CCDC138: variants seen among roughly 807,000 people sequenced by gnomAD.
CCDC138 encodes the protein coiled-coil domain-containing protein 138.
A neutral mutation model predicts 82.3 loss-of-function variants in CCDC138; 66 were observed. The ratio of observed to expected loss-of-function variants is 0.80; its 90% CI spans 0.66 to 0.98. The LOEUF (loss-of-function observed/expected upper bound fraction) is 0.98. Ranked by LOEUF, CCDC138 falls within the 50% of genes least tolerant of loss-of-function variation. The probability of loss-of-function intolerance (pLI) is 0.00; values close to 1 mark genes in which losing one functional copy is unlikely to be tolerated. For missense variants in CCDC138, 816 were observed against 758.9 expected (o/e 1.08, Z -0.88); for synonymous variants, 297 against 265.4 (o/e 1.12, Z -1.16).
chr2:108,811,602 A>T (rs1295562424), intron 7 of CCDC138, among the ~76,000 whole-genome samples: 2 of 151,968 alleles, frequency 1.3e-5, no homozygotes, highest in South Asian at 2.1e-4. Context: ...TCAAAAAGCC[A>T]CTTTTCATTT....
At chr2:108,876,790 T>A (rs928674574), downstream of CCDC138, among the ~76,000 whole-genome samples, 1 of 152,220 alleles carries the variant, frequency 6.6e-6, no homozygotes, top group African/African-American at 2.4e-5. Context: ...TAAAAACTTT[T>A]GTTTTCAAAA....
Position 108,812,907 on chromosome 2 carries a change from C to G in CCDC138, c.1021C>G (p.Pro341Ala). The change falls in exon 9 of 15, where the codon CCA (proline) becomes GCA (alanine). Residue 341 changes from proline (P) to alanine (A), a missense_variant. Coordinates refer to ENST00000295124, the MANE Select transcript of CCDC138 (RefSeq NM_144978.3). Reference sequence around the variant, plus strand: ...GAAAAGTTTAAAACAAGAAAAAGCACCAGTTTCAAAAACTTACAAGGTAAG... The same window carrying G: ...GAAAAGTTTAAAACAAGAAAAAGCAGCAGTTTCAAAAACTTACAAGGTAAG... ...EMKSLKQEKA[P>A]VSKTYKVPLN... is the part of the protein sequence containing the mutation. 1.2e-6 allele frequency: 2 copies of G among 1,613,224 alleles called. No individual in the cohort carries two copies. Among genetic ancestry groups the G allele is most frequent in the African/African-American group, 2.7e-5 (2 of 74,922 alleles).
chr2:108,852,385 C>T (rs1691660316), intron 12 of CCDC138, among the ~76,000 whole-genome samples: 1 of 152,192 alleles, frequency 6.6e-6, no homozygotes, highest in South Asian at 2.1e-4. Context: ...TTCAACCCAA[C>T]AATCCCATTA....
chr2:108,885,035 A>G (rs1696390200), intron 2 of CCDC138: 1 of 152,250 alleles, frequency 6.6e-6, no homozygotes, highest in Non-Finnish European at 1.5e-5. Flanking sequence ...TTTGCAGAGA[A>G]TTAATACTGA....
chr2:108,878,930 AGAAAT>A (rs1385874490), downstream of CCDC138, among the ~76,000 whole-genome samples: 4 of 152,200 alleles, frequency 2.6e-5, no homozygotes, highest in Non-Finnish European at 5.9e-5. Flanking sequence ...ACACTGAAAA[AGAAAT>A]GAAATATATA....
At chr2:108,845,560 C>T (rs974342008) in intron 11 of CCDC138, among the ~76,000 whole-genome samples, 12 of 138,842 alleles carry the variant, frequency 8.6e-5, no homozygotes, top group African/African-American at 3.2e-4. Flanking sequence ...GAAATGCTTT[C>T]CTTTCATTTG....
At chr2:108,786,990 G>T in intron 1 of CCDC138, 75 bp downstream of exon 1, 1 of 1,021,744 alleles carries the variant, frequency 9.8e-7, no homozygotes. Context: ...CCGCGCAGCC[G>T]GCCTGGGGGC....
chr2:108,839,193 T>C lies in CCDC138; in HGVS notation c.1215T>C (p.Pro405=). The C allele has an allele frequency of 2.5e-6, 4 of 1,607,006 alleles. No homozygotes were observed. Among genetic ancestry groups the C allele is most frequent in the Non-Finnish European group, 3.4e-6 (4 of 1,176,674 alleles). The change falls in exon 11 of 15, where the codon CCT becomes CCC. Residue 405 remains proline, a synonymous_variant. Transcript: ENST00000295124. ...DIQEKCVKLL[P]LMTEQLQWMP... ...CATCATTTTATCTTTAGCTTTTGCCTCTAATGACAGAGCAGCTACAGTGGA... is the reference window on the plus strand; with the variant it reads ...CATCATTTTATCTTTAGCTTTTGCCCCTAATGACAGAGCAGCTACAGTGGA...
chr2:108,851,660 AG>A (rs1259221217), intron 12 of CCDC138, among the ~76,000 whole-genome samples: 3 of 152,132 alleles, frequency 2.0e-5, no homozygotes, highest in Non-Finnish European at 4.4e-5. Flanking sequence ...ACCAGGATAT[AG>A]GGCTGGACTC....
At chr2:108,846,577 T>C (rs1690517256) in intron 11 of CCDC138, 161 bp from the exon 12 acceptor site, 1 of 165,518 alleles carries the variant, frequency 6.0e-6, no homozygotes, top group African/African-American at 2.4e-5. Flanking sequence ...CTTGGGAGGC[T>C]GAGGTAGGAG....
intron 10 of CCDC138, among the ~76,000 whole-genome samples, chr2:108,819,504 G>A (rs7560964): frequency 2.0e-4 from 30 of 152,018 alleles, no homozygotes; most frequent in African/African-American, 6.5e-4. Context: ...TAAGAGCTGC[G>A]GAGATCTGCA....
intron 4 of CCDC138, 123 bp from the exon 5 acceptor site, chr2:108,794,415 GTC>G (rs1680498811): frequency 1.1e-6 from 1 of 872,812 alleles, no homozygotes; most frequent in African/African-American, 1.7e-5. Context: ...ATTTTTCTTT[GTC>G]TCTCTTGAAA....
Position 108,836,936 on chromosome 2 carries a change from A to G in CCDC138, c.1207-2249A>G, listed in dbSNP as rs534396368. On this transcript the variant is annotated intron_variant, in intron 10 of 14. Coordinates refer to ENST00000295124, the MANE Select transcript of CCDC138 (RefSeq NM_144978.3). ...TGTATTCAGCAACTTTGCTGAATTTATGTATTCTTTTTTTTTTTAATTGTG... is the reference window on the plus strand; with the variant it reads ...TGTATTCAGCAACTTTGCTGAATTTGTGTATTCTTTTTTTTTTTAATTGTG... Among the ~76,000 whole-genome samples, 195 of 151,776 alleles carry G rather than the reference A, an allele frequency of 1.3e-3. 6 individuals are homozygous for G. The South Asian group carries it at 0.039, about 31-fold the overall frequency.
chr2:108,860,784 C>T (rs1414472283), intron 13 of CCDC138, among the ~76,000 whole-genome samples: 1 of 151,714 alleles, frequency 6.6e-6, no homozygotes, highest in African/African-American at 2.4e-5. Flanking sequence ...GTGTCTTTGC[C>T]AGATTTTGGC....
intron 5 of CCDC138, 76 bp from the exon 6 acceptor site, chr2:108,798,352 A>C (rs1681256401): frequency 3.3e-6 from 5 of 1,510,638 alleles, no homozygotes; most frequent in Non-Finnish European, 4.5e-6. Flanking sequence ...GTTAAACCAC[A>C]GTGTCAGCCA....
intron 3 of CCDC138, 91 bp from the exon 4 acceptor site, chr2:108,791,584 G>C (rs1301107456): frequency 1.4e-6 from 2 of 1,423,086 alleles, no homozygotes; most frequent in Admixed American, 3.4e-5. Context: ...TTTTTTCTCA[G>C]TTATGCTGTT....
intron 9 of CCDC138, among the ~76,000 whole-genome samples, chr2:108,815,529 C>T (rs1345770841): frequency 1.6e-5 from 2 of 122,826 alleles, no homozygotes; most frequent in Non-Finnish European, 3.1e-5. Flanking sequence ...TGCAGTGGTG[C>T]GATCTCGGCT....
rs149132027 is a variant in CCDC138, at chr2:108,788,295, C to A, written c.151+206C>A. Among the ~76,000 whole-genome samples, 760 of 152,228 alleles carry A rather than the reference C, an allele frequency of 5.0e-3. 4 individuals are homozygous for A. The highest frequency in any genetic ancestry group is 0.021 in the South Asian group (102 of 4,828). The stretch of plus-strand genomic sequence containing the variant: ...ATTAGCCGAGCATGGTGGCGGGCGC[C>A]TGTAATCCCAACTGCTGGGAAGGCT... On this transcript the variant is annotated intron_variant, in intron 2 of 14. Coordinates refer to ENST00000295124, the MANE Select transcript of CCDC138 (RefSeq NM_144978.3).
chr2:108,793,737 C>G (rs974788315), intron 4 of CCDC138, among the ~76,000 whole-genome samples: 2 of 151,908 alleles, frequency 1.3e-5, no homozygotes, highest in Admixed American at 6.6e-5. Context: ...GCTGGGACTA[C>G]AGGCACCCGC....
Sources: allele counts gnomAD v4.1 joint callset (sites outside exome capture counted in the v4.1 genomes callset), GRCh38; gene constraint gnomAD v4.1.1; transcripts MANE v1.5; gene names NCBI Gene and HGNC (gene_info 2026-07-23, HGNC 2026-07-21).